Variants in TRMT11 observed in about 807,000 individuals in gnomAD.
TRMT11 encodes tRNA methyltransferase 11, also known as tRNA (guanine(10)-N(2))-methyltransferase TRMT11.
In TRMT11, 53 loss-of-function variants were observed where a neutral mutation model predicts 62.8. That is an observed-to-expected ratio of 0.84 (90% CI 0.68 to 1.06). The LOEUF (loss-of-function observed/expected upper bound fraction) is 1.06. TRMT11 is among the 50% of genes least tolerant of loss of function. TRMT11 has a pLI of 0.00. For missense variants in TRMT11, 556 were observed against 553.4 expected, an observed-to-expected ratio of 1.00 and a Z score of -0.05; for synonymous variants, 188 against 190.3, an observed-to-expected ratio of 0.99 and a Z score of 0.10.
intron 12 of TRMT11, among the ~76,000 whole-genome samples, chr6:126,033,738 T>C (rs1774655771): frequency 1.3e-5 from 2 of 152,146 alleles, no homozygotes; most frequent in Admixed American, 1.3e-4. Context: ...TCCTGGCAGA[T>C]GCATGGTCTG....
At chr6:126,240,285 T>C in the TRMT11 span, among the ~76,000 whole-genome samples, 4 of 152,140 alleles carry the variant, frequency 2.6e-5, no homozygotes, top group African/African-American at 4.8e-5. Flanking sequence ...GAGAGGTGCT[T>C]TGATTTTTAG....
At position 126,151,233 on chromosome 6, in the gene TRMT11, C is replaced by T. The variant is rs145191773; in HGVS notation, c.*1824-23592C>T. Among the ~76,000 whole-genome samples the T allele has an allele frequency of 5.0e-3, 762 of 152,188 alleles. 5 individuals are homozygous for T. Among genetic ancestry groups the T allele is most frequent in the African/African-American group, 0.018 (741 of 41,528 alleles). ...AGTCCTTTTCAATTACTAGTTAAAA[C>T]GCTATGATGCCCTTTGAGAAAGAAC... On this transcript the variant is annotated intron_variant and NMD_transcript_variant, in intron 21 of 22. Coordinates refer to the TRMT11 transcript ENST00000648977.
intron 1 of TRMT11, among the ~76,000 whole-genome samples, chr6:126,191,584 A>C (rs1778601223): frequency 6.7e-6 from 1 of 148,596 alleles, no homozygotes; most frequent in Non-Finnish European, 1.5e-5. Flanking sequence ...TTCAGGTCTT[A>C]CATTTAAATC....
intron 17 of TRMT11, among the ~76,000 whole-genome samples, chr6:126,099,067 A>G (rs1203198996): frequency 6.6e-6 from 1 of 152,210 alleles, no homozygotes; most frequent in African/African-American, 2.4e-5. Context: ...CCACTTTTGG[A>G]AGTTACTTCT....
chr6:126,135,488 G>A (rs1777840067), intron 21 of TRMT11, among the ~76,000 whole-genome samples: 1 of 151,604 alleles, frequency 6.6e-6, no homozygotes, highest in South Asian at 2.1e-4. Context: ...GATTAAAGCA[G>A]TAGTCTAAAT....
At chr6:126,093,629 A>ATTTTTT (rs1199202335) in intron 17 of TRMT11, among the ~76,000 whole-genome samples, 13 of 94,022 alleles carry the variant, frequency 1.4e-4, no homozygotes, top group African/African-American at 6.0e-4. Context: ...ATATATATAT[A>ATTTTTT]TATTTTCCCC....
chr6:126,023,906 A>G (rs1796182501), intron 12 of TRMT11, among the ~76,000 whole-genome samples: 1 of 152,234 alleles, frequency 6.6e-6, no homozygotes, highest in Admixed American at 6.5e-5. Context: ...GTGTACGAAT[A>G]CAGTTGTAAT....
At chr6:126,151,863 T>TTTCTTTCTTTCTTTCTTTCTTTCC (rs1323998793) in intron 21 of TRMT11, among the ~76,000 whole-genome samples, 3 of 126,328 alleles carry the variant, frequency 2.4e-5, no homozygotes, top group African/African-American at 1.0e-4. Context: ...TCTTTCTTTC[T>TTTCTTTCTTTCTTTCTTTCTTTCC]TTCCTTCTTT....
chr6:126,203,130 G>A (rs191473671), downstream of TRMT11, among the ~76,000 whole-genome samples: 1 of 152,304 alleles, frequency 6.6e-6, no homozygotes, highest in East Asian at 1.9e-4. Flanking sequence ...ACCACTTTCT[G>A]TACCTGGGAG....
intron 21 of TRMT11, among the ~76,000 whole-genome samples, chr6:126,141,551 C>T (rs1777917168): frequency 2.6e-5 from 4 of 152,090 alleles, no homozygotes; most frequent in Admixed American, 2.6e-4. Context: ...TCCACCAAGC[C>T]TGGCAGGCCA....
chr6:126,137,324 G>C (rs1777862762), intron 21 of TRMT11, among the ~76,000 whole-genome samples: 1 of 151,424 alleles, frequency 6.6e-6, no homozygotes, highest in Non-Finnish European at 1.5e-5. Context: ...AAAAAAATCT[G>C]ATTTAAAAAT....
At chr6:126,230,852 T>C in the TRMT11 span, among the ~76,000 whole-genome samples, 2 of 152,162 alleles carry the variant, frequency 1.3e-5, no homozygotes, top group East Asian at 1.9e-4. Flanking sequence ...ATTGTATATG[T>C]CTACGTTAAA....
chr6:126,261,787 T>C, the TRMT11 span, among the ~76,000 whole-genome samples: 1 of 152,026 alleles, frequency 6.6e-6, no homozygotes, highest in East Asian at 1.9e-4. Context: ...TAGGTGGGAG[T>C]GCTGAGCTGG....
At position 125,988,662 on chromosome 6, in the gene TRMT11, A is replaced by G. The variant is rs566205957; in HGVS notation, c.72+2040A>G. On this transcript the variant is annotated intron_variant, in intron 1 of 12. Coordinates refer to ENST00000334379, the MANE Select transcript of TRMT11 (RefSeq NM_001031712.3). ...TGAGACAAATAGTAAAACTTGAAAT[A>G]GTCATTGAGACCAAAGGGGAGAGTT... 8.0e-4 allele frequency among the ~76,000 whole-genome samples: 122 copies of G among 152,362 alleles called. 1 individual carries two copies. The Middle Eastern group carries it at 0.027, about 34-fold the overall frequency.
intron 1 of TRMT11, among the ~76,000 whole-genome samples, chr6:126,181,118 CTT>C (rs970580706): frequency 1.3e-5 from 2 of 152,002 alleles, no homozygotes; most frequent in African/African-American, 4.8e-5. Flanking sequence ...ACATGAAACT[CTT>C]TTAGTGCTTG....
At chr6:126,027,352 G>GC (rs1773375464) in intron 12 of TRMT11, among the ~76,000 whole-genome samples, 1 of 152,074 alleles carries the variant, frequency 6.6e-6, no homozygotes, top group Non-Finnish European at 1.5e-5. Context: ...GATGAAAAGA[G>GC]CACCCAGGGT....
At chr6:126,019,638 C>T (rs1795528080) in intron 11 of TRMT11, among the ~76,000 whole-genome samples, 2 of 152,050 alleles carry the variant, frequency 1.3e-5, no homozygotes, top group African/African-American at 2.4e-5. Context: ...TCTATAGATC[C>T]TACGGTTTGC....
chr6:126,178,363 G>A (rs1778414780), intron 1 of TRMT11, among the ~76,000 whole-genome samples: 1 of 152,186 alleles, frequency 6.6e-6, no homozygotes, highest in African/African-American at 2.4e-5. Flanking sequence ...CACTGAGGCT[G>A]AGGCTGTCAT....
chr6:126,224,163 GGTT>G, the TRMT11 span, among the ~76,000 whole-genome samples: 12 of 152,294 alleles, frequency 7.9e-5, no homozygotes, highest in African/African-American at 2.6e-4. Context: ...ATTTCAGCCT[GGTT>G]AAGAACCATT....
Sources: gnomAD v4.1 joint callset for allele counts (sites outside exome capture counted in the v4.1 genomes callset) on GRCh38, gnomAD v4.1.1 for gene constraint, MANE v1.5 for transcripts, NCBI Gene and HGNC (gene_info 2026-07-23, HGNC 2026-07-21) for gene names.